MTHFD1: variants seen among roughly 807,000 people sequenced by gnomAD.
MTHFD1 encodes methylenetetrahydrofolate dehydrogenase, cyclohydrolase and formyltetrahydrofolate synthetase 1.
Under a neutral mutation model 110.3 loss-of-function variants are expected in MTHFD1, and 44 were observed. The observed-to-expected ratio is 0.40, with a 90% CI of 0.31 to 0.51. The LOEUF (loss-of-function observed/expected upper bound fraction) is 0.51. Among genes scored for constraint, MTHFD1 ranks in the 20% least tolerant of loss-of-function variants. The pLI is 0.60. For synonymous variants in MTHFD1, 402 were observed against 428.8 expected, an observed-to-expected ratio of 0.94 and a Z score of 0.77; for missense variants, 909 against 1,173.1, an observed-to-expected ratio of 0.77 and a Z score of 3.29.
At chr14:64,419,793 G>A (rs1325423738) in intron 7 of MTHFD1, 21 bp from the exon 8 acceptor site, 3 of 1,518,842 alleles carry the variant, frequency 2.0e-6, no homozygotes, top group South Asian at 2.2e-5. Flanking sequence ...CATTTCTGAT[G>A]TCCAAATCCC....
rs564442201 is a variant in MTHFD1 at position 64,438,658 on chromosome 14, G to T, written c.1598-438G>T. Among the ~76,000 whole-genome samples the T allele has an allele frequency of 3.3e-5, 5 of 152,286 alleles. No individual in the cohort carries two copies. The South Asian group carries it at 1.0e-3, about 32-fold the overall frequency. On this transcript the variant is annotated intron_variant, in intron 16 of 27. Transcript: ENST00000652337. ...TTCCAGACCAGGCCTGGCACCCAGCGTGTTTCAAAAGATATTTGCACTTGC... is the reference window on the plus strand; with the variant it reads ...TTCCAGACCAGGCCTGGCACCCAGCTTGTTTCAAAAGATATTTGCACTTGC...
chr14:64,434,784 C>A (rs2078190645), intron 15 of MTHFD1, among the ~76,000 whole-genome samples: 1 of 151,000 alleles, frequency 6.6e-6, no homozygotes, highest in Non-Finnish European at 1.5e-5. Flanking sequence ...AATGAATTGA[C>A]AACTCTGGCT....
chr14:64,422,185 T>C (rs565266799), intron 8 of MTHFD1, among the ~76,000 whole-genome samples: 6 of 152,270 alleles, frequency 3.9e-5, no homozygotes, highest in African/African-American at 1.4e-4. Context: ...CTTGGGCATA[T>C]AGGCAAATTA....
chr14:64,392,541 A>G (rs1052439183), intron 1 of MTHFD1, among the ~76,000 whole-genome samples: 13 of 152,228 alleles, frequency 8.5e-5, no homozygotes, highest in Non-Finnish European at 1.8e-4. Context: ...GAAGAGGCAG[A>G]TGGTTTGAGT....
In MTHFD1 at chr14:64,442,315, C is replaced by T. The variant is rs748394705; in HGVS notation, c.2049C>T (p.Ile683=). 3 of 1,614,208 alleles carry T rather than the reference C, an allele frequency of 1.9e-6. No homozygotes were observed. Among genetic ancestry groups the T allele is most frequent in the Admixed American group, 3.3e-5 (2 of 60,020 alleles). ...TTGGAATGGAAAAGTTTTTTAACAT[C>T]AAATGCCGGTATTCCGGCCTCTGCC... is the stretch of plus-strand genomic sequence containing the variant. The part of the protein sequence containing the change: ...ADIGMEKFFN[I]KCRYSGLCPH... The change falls in exon 21 of 28, where the codon ATC becomes ATT. Residue 683 remains isoleucine, a synonymous_variant. Transcript: ENST00000652337.
chr14:64,443,340 G>A (rs1322163108), intron 21 of MTHFD1, among the ~76,000 whole-genome samples: 1 of 152,178 alleles, frequency 6.6e-6, no homozygotes, highest in Non-Finnish European at 1.5e-5. Flanking sequence ...ACATGAAAAT[G>A]CATTATCTTT....
intron 17 of MTHFD1, chr14:64,439,450 C>A (rs994467877): frequency 1.0e-5 from 5 of 490,226 alleles, no homozygotes; most frequent in African/African-American, 1.9e-5. Context: ...AAAATTGCTT[C>A]TTTTTTGTGG....
At chr14:64,403,579 T>A (rs781630658) in intron 2 of MTHFD1, among the ~76,000 whole-genome samples, 2 of 121,532 alleles carry the variant, frequency 1.6e-5, no homozygotes, top group South Asian at 3.2e-4. Context: ...TAATTTTTTG[T>A]ATTTTTTTGT....
At chr14:64,442,581 C>G (rs779504408) in intron 21 of MTHFD1, among the ~76,000 whole-genome samples, 179 bp downstream of exon 21, 3 of 152,240 alleles carry the variant, frequency 2.0e-5, no homozygotes, top group Non-Finnish European at 4.4e-5. Flanking sequence ...CAGGCACCGT[C>G]AGCGCTCAGC....
chr14:64,454,280 T>C (rs2078428198), intron 25 of MTHFD1, among the ~76,000 whole-genome samples: 1 of 152,058 alleles, frequency 6.6e-6, no homozygotes. Context: ...ACCTGGCTAA[T>C]TTTTGTGTTT....
chr14:64,413,262 G>A (rs1429358440), intron 4 of MTHFD1, among the ~76,000 whole-genome samples: 1 of 152,126 alleles, frequency 6.6e-6, no homozygotes, highest in Admixed American at 6.5e-5. Flanking sequence ...TGAGGCAGGA[G>A]AATCACTTGA....
chr14:64,442,920 C>G (rs900678668), intron 21 of MTHFD1, among the ~76,000 whole-genome samples: 2 of 152,156 alleles, frequency 1.3e-5, no homozygotes, highest in East Asian at 3.9e-4. Context: ...GAGACTGGCT[C>G]ATCCTCACCT....
At chr14:64,437,752 T>G (rs1385112980) in intron 16 of MTHFD1, among the ~76,000 whole-genome samples, 1 of 152,142 alleles carries the variant, frequency 6.6e-6, no homozygotes, top group Non-Finnish European at 1.5e-5. Flanking sequence ...TTCACTTGTG[T>G]TTATGGTTTA....
Position 64,442,067 on chromosome 14 carries a change from T to G in MTHFD1, c.1898T>G (p.Phe633Cys). The G allele has an allele frequency of 6.2e-7, 1 of 1,614,054 alleles. No homozygotes were observed. Among genetic ancestry groups the G allele is most frequent in the Non-Finnish European group, 8.5e-7 (1 of 1,179,868 alleles). The part of the protein sequence containing the change: ...LMQTLEGTPV[F>C]VHAGPFANIA... ...TGGTTTCCACAGGGCACTCCAGTGT[T>G]TGTCCATGCTGGCCCGTTTGCCAAC... Residue 633 changes from phenylalanine to cysteine, a missense_variant, in exon 20 of 28, where the codon TTT (phenylalanine) becomes TGT (cysteine). Physicochemically the swap from Phe to Cys is radical, Grantham distance 205 (BLOSUM62 -2). Transcript: ENST00000652337.
chr14:64,449,631 T>C lies in MTHFD1; in HGVS notation c.2457+9T>C. The C allele has an allele frequency of 5.0e-6, 8 of 1,613,822 alleles. No homozygotes were observed. The highest frequency in any genetic ancestry group is 5.9e-6 in the Non-Finnish European group (7 of 1,179,978). ...TCCTTTATGACCTCAAGGTGGGTGA[T>C]TTGCTGTCTGCAAAAAAAGAAAAAA... On this transcript the variant is annotated intron_variant, in intron 24 of 27. Transcript: ENST00000652337.
chr14:64,434,775 A>G (rs1057164351), intron 15 of MTHFD1, among the ~76,000 whole-genome samples: 3 of 151,516 alleles, frequency 2.0e-5, no homozygotes, highest in East Asian at 1.9e-4. Flanking sequence ...AACTGCACCA[A>G]TGAATTGACA....
chr14:64,441,597 G>C, intron 19 of MTHFD1, 144 bp downstream of exon 19: 1 of 708,614 alleles, frequency 1.4e-6, no homozygotes. Context: ...ACAAGGTCAG[G>C]AGATCGAGAC....
Position 64,427,331 on chromosome 14 carries a change from T to C in MTHFD1, c.1128-6T>C. 1.9e-6 allele frequency: 3 copies of C among 1,614,204 alleles called. No individual in the cohort carries two copies. The highest frequency in any genetic ancestry group is 2.5e-6 in the Non-Finnish European group (3 of 1,180,030). On this transcript the variant is annotated splice_polypyrimidine_tract_variant and splice_region_variant and intron_variant, in intron 11 of 27. Transcript: ENST00000652337. ...AACCTTTTTCTCTTTTGCTTTCGTC[T>C]TGAAGAATAACTCCAACACCCCTGG...
chr14:64,433,098 AT>A, intron 15 of MTHFD1, among the ~76,000 whole-genome samples: 1 of 151,226 alleles, frequency 6.6e-6, no homozygotes, highest in East Asian at 2.0e-4. Flanking sequence ...CTGTTTTTTA[AT>A]TTTTCAAAAA....
Sources: gnomAD v4.1 joint callset for allele counts (sites outside exome capture counted in the v4.1 genomes callset) on GRCh38, gnomAD v4.1.1 for gene constraint, MANE v1.5 for transcripts, NCBI Gene and HGNC (gene_info 2026-07-23, HGNC 2026-07-21) for gene names.